PSMB2: variants seen among roughly 807,000 people sequenced by gnomAD.
PSMB2 encodes proteasome subunit beta type-2.
In PSMB2, 13 loss-of-function variants were observed where a neutral mutation model predicts 25.7. The ratio of observed to expected loss-of-function variants is 0.51; its 90% CI spans 0.33 to 0.80. The LOEUF (loss-of-function observed/expected upper bound fraction) is 0.80. Ranked by LOEUF, PSMB2 falls within the 30% of genes least tolerant of loss-of-function variation. The pLI, the probability that PSMB2 is intolerant of heterozygous loss-of-function variation, is 0.02. For missense variants in PSMB2, 202 were observed against 259.0 expected, an observed-to-expected ratio of 0.78 and a Z score of 1.51; for synonymous variants, 87 against 96.2, an observed-to-expected ratio of 0.90 and a Z score of 0.56.
intron 4 of PSMB2, among the ~76,000 whole-genome samples, chr1:35,608,392 G>A (rs6696100): frequency 0.041 from 6,225 of 151,668 alleles, 307 homozygotes; most frequent in African/African-American, 0.12. Context: ...AGAAAATTAT[G>A]GATAGACAGA....
intron 2 of PSMB2, among the ~76,000 whole-genome samples, chr1:35,633,460 AAGGGTCT>A (rs1230132555): frequency 1.4e-5 from 2 of 141,444 alleles, no homozygotes; most frequent in Non-Finnish European, 3.2e-5. Context: ...CAGGTAATTT[AAGGGTCT>A]TTAAGGGCAA....
intron 2 of PSMB2, among the ~76,000 whole-genome samples, chr1:35,631,971 C>T (rs956461588): frequency 1.3e-5 from 2 of 152,048 alleles, no homozygotes; most frequent in African/African-American, 4.8e-5. Flanking sequence ...TGAGTTATGA[C>T]TGTGCCACTG....
At chr1:35,627,258 C>CAA (rs772688881) in intron 3 of PSMB2, among the ~76,000 whole-genome samples, 503 of 35,916 alleles carry the variant, frequency 0.014, 13 homozygotes, top group African/African-American at 0.032. Context: ...GACCCTATCT[C>CAA]AAAAAAAAAA....
intron 3 of PSMB2, among the ~76,000 whole-genome samples, chr1:35,614,407 G>T (rs922556356): frequency 6.6e-5 from 10 of 152,122 alleles, no homozygotes; most frequent in African/African-American, 2.4e-4. Context: ...GTAATCCTTC[G>T]CAAAGATTAC....
rs200817929 is a variant in PSMB2 at position 35,639,031 on chromosome 1, ATC to A, written c.91+2309_91+2310del. On this transcript the variant is annotated intron_variant, in intron 1 of 5. Coordinates refer to ENST00000373237, the MANE Select transcript of PSMB2 (RefSeq NM_002794.5). ...CACTTTGGGAGGCGGAGGCAGGTGG[ATC>A]ACCTGAGGTCAGGAGTTTGAGACCA... Among the ~76,000 whole-genome samples, 2,996 of 152,248 alleles carry A rather than the reference ATC, an allele frequency of 0.02. 195 individuals are homozygous for A. The East Asian group carries it at 0.24, about 12-fold the overall frequency.
In PSMB2 at chr1:35,601,821, G is replaced by A; in HGVS notation, c.*1446C>T. ...GATGAACATTCTGAAACACACATCT[G>A]GTCAAGAACCACTGTTTTAATAGCT... On this transcript the variant is annotated 3_prime_UTR_variant, in exon 6 of 6. Coordinates refer to ENST00000373237, the MANE Select transcript of PSMB2 (RefSeq NM_002794.5). 1 of 985,370 alleles carries A rather than the reference G, an allele frequency of 1.0e-6. No individual in the cohort carries two copies. Among genetic ancestry groups the A allele is most frequent in the Non-Finnish European group, 1.2e-6 (1 of 829,930 alleles). 61.0% of individuals were successfully genotyped at this position (985,370 alleles called of 1,614,324 possible).
intron 3 of PSMB2, among the ~76,000 whole-genome samples, chr1:35,624,853 G>A (rs891736920): frequency 2.0e-5 from 3 of 151,954 alleles, no homozygotes; most frequent in Admixed American, 2.0e-4. Context: ...ACGAGGTCAG[G>A]AGATCGAGAC....
At chr1:35,604,862 C>G (rs1650113236) in intron 5 of PSMB2, among the ~76,000 whole-genome samples, 1 of 152,188 alleles carries the variant, frequency 6.6e-6, no homozygotes, top group African/African-American at 2.4e-5. Context: ...CTGGGACTGC[C>G]AGTTAAAGCA....
At chr1:35,629,103 C>CT (rs1488727137) in intron 3 of PSMB2, among the ~76,000 whole-genome samples, 2 of 152,154 alleles carry the variant, frequency 1.3e-5, no homozygotes, top group African/African-American at 4.8e-5. Context: ...TAGAGACTAT[C>CT]TTTCTCAGTG....
intron 2 of PSMB2, among the ~76,000 whole-genome samples, chr1:35,632,036 A>T (rs1231261622): frequency 6.6e-6 from 1 of 152,126 alleles, no homozygotes; most frequent in Non-Finnish European, 1.5e-5. Flanking sequence ...CGAAAACAGG[A>T]ACAAAAAGGA....
At chr1:35,640,856 G>A (rs894616119) in intron 1 of PSMB2, among the ~76,000 whole-genome samples, 22 of 152,276 alleles carry the variant, frequency 1.4e-4, no homozygotes, top group African/African-American at 5.1e-4. Context: ...ATTTAGCGAA[G>A]GCCAGAGCAG....
At chr1:35,638,142 C>T (rs1651296807) in intron 1 of PSMB2, among the ~76,000 whole-genome samples, 1 of 152,150 alleles carries the variant, frequency 6.6e-6, no homozygotes, top group Non-Finnish European at 1.5e-5. Flanking sequence ...ACCTGTTCAA[C>T]TTTAAAATTA....
chr1:35,616,269 A>G (rs1045669359), intron 3 of PSMB2, among the ~76,000 whole-genome samples: 1 of 152,222 alleles, frequency 6.6e-6, no homozygotes, highest in African/African-American at 2.4e-5. Context: ...GTGTAAAAAT[A>G]TGATTTGGTA....
At chr1:35,640,764 G>T (rs145334251) in intron 1 of PSMB2, among the ~76,000 whole-genome samples, 207 of 150,934 alleles carry the variant, frequency 1.4e-3, no homozygotes, top group African/African-American at 5.0e-3. Context: ...GAGATTCGGG[G>T]ATCTAGAGAG....
chr1:35,610,988 A>T (rs1650312727), intron 3 of PSMB2, among the ~76,000 whole-genome samples: 1 of 150,832 alleles, frequency 6.6e-6, no homozygotes, highest in Non-Finnish European at 1.5e-5. Flanking sequence ...CAAATGGATG[A>T]TTTTTTTTTT....
Position 35,604,209 on chromosome 1 carries a change from A to G in PSMB2, c.499-835T>C, listed in dbSNP as rs572338882. 5.9e-5 allele frequency among the ~76,000 whole-genome samples: 9 copies of G among 152,166 alleles called. No individual in the cohort carries two copies. The South Asian group carries it at 1.9e-3, about 32-fold the overall frequency. On this transcript the variant is annotated intron_variant, in intron 5 of 5. Coordinates refer to ENST00000373237, the MANE Select transcript of PSMB2 (RefSeq NM_002794.5). Reference sequence around the variant, plus strand: ...GAACAGTAAAAGAATGAAAAAAACTAATGTGGCTGGTTTTTGACCTCCCCA... The same window carrying G: ...GAACAGTAAAAGAATGAAAAAAACTGATGTGGCTGGTTTTTGACCTCCCCA...
At chr1:35,612,078 G>A (rs540347438) in intron 3 of PSMB2, among the ~76,000 whole-genome samples, 1 of 152,318 alleles carries the variant, frequency 6.6e-6, no homozygotes. Context: ...CTCCAAATAA[G>A]TTTCTGTTTT....
chr1:35,620,499 C>T (rs1430333378), intron 3 of PSMB2, among the ~76,000 whole-genome samples: 1 of 152,090 alleles, frequency 6.6e-6, no homozygotes, highest in Non-Finnish European at 1.5e-5. Flanking sequence ...AGGCCCACTG[C>T]TTGTATTTAT....
intron 2 of PSMB2, chr1:35,631,623 CA>C (rs375689454): frequency 1.8e-6 from 1 of 568,830 alleles, no homozygotes; most frequent in African/African-American, 2.0e-5. Context: ...CATTCATCAA[CA>C]CACTGTGGTT....
Sources: gnomAD v4.1 joint callset for allele counts (sites outside exome capture counted in the v4.1 genomes callset) on GRCh38, gnomAD v4.1.1 for gene constraint, MANE v1.5 for transcripts, NCBI Gene and HGNC (gene_info 2026-07-23, HGNC 2026-07-21) for gene names.